Variants in PEX1 observed in about 807,000 individuals in gnomAD.
The protein encoded by PEX1 is peroxisomal biogenesis factor 1.
In PEX1, 97 loss-of-function variants were observed where a neutral mutation model predicts 152.5. The ratio of observed to expected loss-of-function variants is 0.64; its 90% CI spans 0.54 to 0.75. The LOEUF (loss-of-function observed/expected upper bound fraction) is 0.75. Ranked by LOEUF, PEX1 falls within the 30% of genes least tolerant of loss-of-function variation. The pLI is 0.00. For missense variants in PEX1, 1,357 were observed against 1,516.3 expected (o/e 0.89, Z 1.74); for synonymous variants, 485 against 531.6 (o/e 0.91, Z 1.21).
chr7:92,514,753 A>C lies in PEX1; in HGVS notation c.1240-786T>G, dbSNP rs1414258165. Among the ~76,000 whole-genome samples, 3 of 152,244 alleles carry C rather than the reference A, an allele frequency of 2.0e-5. No individual in the cohort carries two copies. In the East Asian group the frequency reaches 5.8e-4, roughly 29 times the overall value. ...TATACTAAAAATGACTGAATTGTAC[A>C]CTTTAAATTTTACCTCAGCCGGGCG... On this transcript the variant is annotated intron_variant, in intron 5 of 23. Coordinates refer to ENST00000248633, the MANE Select transcript of PEX1 (RefSeq NM_000466.3).
chr7:92,513,670 T>C (rs1209140080), intron 6 of PEX1, among the ~76,000 whole-genome samples, 178 bp downstream of exon 6: 1 of 152,152 alleles, frequency 6.6e-6, no homozygotes, highest in Admixed American at 6.5e-5. Flanking sequence ...TTAATGCCTT[T>C]GAATTATACA....
Position 92,494,413 on chromosome 7 carries a change from CA to C in PEX1, c.2927-18del. 1 of 1,611,934 alleles carries C rather than the reference CA, an allele frequency of 6.2e-7. No individual in the cohort carries two copies. The highest frequency in any genetic ancestry group is 8.5e-7 in the Non-Finnish European group (1 of 1,178,042). ...CATAAACACCTAGAGGAAAAAAGAA[CA>C]TTTTTTTACCAAAATCTGATGACAT... On this transcript the variant is annotated intron_variant, in intron 18 of 23. Coordinates refer to ENST00000248633, the MANE Select transcript of PEX1 (RefSeq NM_000466.3).
chr7:92,497,599 A>T (rs1251996054), intron 16 of PEX1, among the ~76,000 whole-genome samples: 3 of 152,306 alleles, frequency 2.0e-5, no homozygotes, highest in South Asian at 2.1e-4. Context: ...ATAGGTCCTA[A>T]AGTCATCTCT....
chr7:92,501,587 T>C lies in PEX1; in HGVS notation c.2503A>G (p.Arg835Gly), dbSNP rs769868249. 1.2e-6 allele frequency: 2 copies of C among 1,613,888 alleles called. No homozygotes were observed. The highest frequency in any genetic ancestry group is 1.1e-5 in the South Asian group (1 of 91,082). The change falls in exon 15 of 24, where the codon AGA (arginine) becomes GGA (glycine). Residue 835 changes from arginine (R) to glycine (G), a missense_variant. By Grantham distance (125) the Arg-to-Gly change is moderately radical (BLOSUM62 -2). Transcript: ENST00000248633. ...SLRSVNLHKPRDLGWDKIGGL... is the reference protein window; with the variant it reads ...SLRSVNLHKPGDLGWDKIGGL... Reference sequence around the variant, plus strand: ...CCAATCTTGTCCCAACCCAGGTCTCTAGGTTTATGCAGGTTGACACTTCGC... The same window carrying C: ...CCAATCTTGTCCCAACCCAGGTCTCCAGGTTTATGCAGGTTGACACTTCGC...
chr7:92,493,017 T>C lies in PEX1; in HGVS notation c.3143A>G (p.Lys1048Arg), dbSNP rs767463108. The C allele has an allele frequency of 6.2e-7, 1 of 1,613,762 alleles. No individual in the cohort carries two copies. Reference protein sequence around the residue: ...VTDSFTGADLKALLYNAQLEA... With the variant: ...VTDSFTGADLRALLYNAQLEA... ...CAATTGGGCATTGTAAAGTAAAGCT[T>C]TCAGATCAGCTCCAGTAAAGGAGTC... is the stretch of plus-strand genomic sequence containing the variant. The change falls in exon 20 of 24, where the codon AAA (lysine) becomes AGA (arginine). Residue 1048 changes from lysine (K) to arginine (R), a missense_variant. By Grantham distance (26) the Lys-to-Arg change is conservative. Transcript: ENST00000248633.
At chr7:92,512,040 C>A (rs907279354) in intron 6 of PEX1, among the ~76,000 whole-genome samples, 5 of 152,202 alleles carry the variant, frequency 3.3e-5, no homozygotes, top group African/African-American at 9.6e-5. Context: ...AAAACAAATT[C>A]CTTTTTCTTT....
intron 21 of PEX1, 118 bp from the exon 22 acceptor site, chr7:92,490,029 A>G (rs947738083): frequency 3.7e-6 from 3 of 804,700 alleles, no homozygotes; most frequent in Non-Finnish European, 4.1e-6. Context: ...ATAGATAAGT[A>G]TACATGTTAA....
At chr7:92,510,468 A>T (rs535444435) in intron 8 of PEX1, among the ~76,000 whole-genome samples, 3 of 150,628 alleles carry the variant, frequency 2.0e-5, no homozygotes, top group African/African-American at 4.9e-5. Flanking sequence ...ACCGTCTTTT[A>T]AAAAAAAAAA....
chr7:92,502,989 T>C (rs1562854771), intron 13 of PEX1, 52 bp downstream of exon 13: 1 of 1,483,590 alleles, frequency 6.7e-7, no homozygotes, highest in Non-Finnish European at 9.4e-7. Context: ...AATTGAAAAA[T>C]AATTTCTATA....
intron 21 of PEX1, among the ~76,000 whole-genome samples, chr7:92,490,673 T>G (rs1585213026): frequency 7.5e-6 from 1 of 133,692 alleles, no homozygotes; most frequent in Non-Finnish European, 1.6e-5. Context: ...ATAAAGCAAA[T>G]GTACAAAAAA....
At position 92,516,055 on chromosome 7, in the gene PEX1, A is replaced by AAAAAGAAAAG. The variant is rs58641640; in HGVS notation, c.1239+1211_1239+1220dup. Among the ~76,000 whole-genome samples, 449 of 85,726 alleles carry AAAAAGAAAAG rather than the reference A, an allele frequency of 5.2e-3. 11 individuals are homozygous for AAAAAGAAAAG. Among genetic ancestry groups the AAAAAGAAAAG allele is most frequent in the African/African-American group, 0.013 (285 of 22,464 alleles). The allele number at this position is 85,726 out of a possible 152,430, so 56.2% of individuals were successfully genotyped here. A position where few individuals can be genotyped will look rare whatever the true frequency, so the allele number is the denominator to read the frequency against. ...AGAGAAGAGAAGAGAAGAGAAGAGAAAAAAGAAAAGAAAAGAAAAGAAAAG... is the reference window on the plus strand; with the variant it reads ...AGAGAAGAGAAGAGAAGAGAAGAGAAAAAAGAAAAGAAAAGAAAAGAAAAGAAAAGAAAAG... On this transcript the variant is annotated intron_variant, in intron 5 of 23. Coordinates refer to ENST00000248633, the MANE Select transcript of PEX1 (RefSeq NM_000466.3).
intron 8 of PEX1, among the ~76,000 whole-genome samples, chr7:92,510,398 C>T (rs367701759): frequency 2.0e-4 from 29 of 142,138 alleles, no homozygotes; most frequent in South Asian, 6.8e-4. Context: ...CCTGGGAGGT[C>T]GAGGCTGCAG....
chr7:92,487,578 A>G, intron 23 of PEX1, 37 bp from the exon 24 acceptor site: 1 of 906,456 alleles, frequency 1.1e-6, no homozygotes. Flanking sequence ...ATGTATAAAT[A>G]CTACCATTAC....
intron 12 of PEX1, 152 bp from the exon 13 acceptor site, chr7:92,503,347 A>G (rs1562855173): frequency 1.4e-6 from 1 of 695,318 alleles, no homozygotes. Context: ...AAATGAATCC[A>G]TCTAGTTATT....
In PEX1 at chr7:92,509,388, T is replaced by C. The variant is rs1209882593; in HGVS notation, c.1611A>G (p.Lys537=). Residue 537 remains lysine, a synonymous_variant, in exon 9 of 24, where the codon AAA becomes AAG. Transcript: ENST00000248633. ...AGTCAATTTCCTCACTGTTTTCTTCTTTTACCATAGGATCTAGAAGGACCT... is the reference window on the plus strand; with the variant it reads ...AGTCAATTTCCTCACTGTTTTCTTCCTTTACCATAGGATCTAGAAGGACCT... ...TIQVLLDPMV[K]EENSEEIDFI... 1.2e-6 allele frequency: 2 copies of C among 1,612,244 alleles called. No homozygotes were observed. The highest frequency in any genetic ancestry group is 1.7e-6 in the Non-Finnish European group (2 of 1,178,664).
chr7:92,511,130 TAAGTTA>T, intron 7 of PEX1, 83 bp from the exon 8 acceptor site: 1 of 778,968 alleles, frequency 1.3e-6, no homozygotes, highest in South Asian at 1.6e-5. Context: ...CAAATTTATT[TAAGTTA>T]AAGACTTTTT....
At position 92,511,651 on chromosome 7, in the gene PEX1, T is replaced by C. The variant is rs1219227236; in HGVS notation, c.1412A>G (p.Gln471Arg). Residue 471 changes from glutamine to arginine, a missense_variant, in exon 7 of 24, where the codon CAG becomes CGG. Physicochemically the swap from Gln to Arg is conservative, Grantham distance 43. Coordinates refer to ENST00000248633, the MANE Select transcript of PEX1 (RefSeq NM_000466.3). ...DIKTVFYSWL[Q>R]QSTTTMLPLV... ...AGGAAGCATGGTGGTAGTAGACTGC[T>C]GTAGCCATGAATAAAATACAGTTTT... 2.5e-6 allele frequency: 4 copies of C among 1,611,906 alleles called. No homozygotes were observed. Among genetic ancestry groups the C allele is most frequent in the African/African-American group, 1.3e-5 (1 of 74,918 alleles).
chr7:92,511,469 A>G (rs920376924), intron 7 of PEX1, 111 bp downstream of exon 7: 62 of 864,486 alleles, frequency 7.2e-5, no homozygotes, highest in Admixed American at 4.3e-4. Flanking sequence ...AATTATCATA[A>G]TTATATTTCA....
intron 20 of PEX1, among the ~76,000 whole-genome samples, chr7:92,491,843 T>TTCTCATTATAGAGAGCTC (rs1791346131): frequency 6.6e-6 from 1 of 152,112 alleles, no homozygotes; most frequent in South Asian, 2.1e-4. Flanking sequence ...ATAGAGTGCT[T>TTCTCATTATAGAGAGCTC]TCTCATTATA....
Sources: allele counts gnomAD v4.1 joint callset (sites outside exome capture counted in the v4.1 genomes callset), GRCh38; gene constraint gnomAD v4.1.1; transcripts MANE v1.5; gene names NCBI Gene and HGNC (gene_info 2026-07-23, HGNC 2026-07-21).